The following FOXK2 variants were observed in gnomAD, a reference collection of about 807,000 sequenced individuals.
FOXK2 encodes forkhead box protein K2.
Under a neutral mutation model 53.3 loss-of-function variants are expected in FOXK2, and 24 were observed. The ratio of observed to expected loss-of-function variants is 0.45; its 90% CI spans 0.33 to 0.63. The LOEUF (loss-of-function observed/expected upper bound fraction) is 0.63. Among genes scored for constraint, FOXK2 ranks in the 30% least tolerant of loss-of-function variants. The pLI is 0.03. For missense variants in FOXK2, 952 were observed against 910.5 expected, an observed-to-expected ratio of 1.05 and a Z score of -0.59; for synonymous variants, 505 against 407.1, an observed-to-expected ratio of 1.24 and a Z score of -2.89.
At chr17:82,561,910 G>C (rs959234205) in intron 1 of FOXK2, among the ~76,000 whole-genome samples, 16 of 152,182 alleles carry the variant, frequency 1.1e-4, no homozygotes, top group Admixed American at 7.2e-4. Context: ...TCTGTTGGGG[G>C]GGGGGGGTGC....
chr17:82,586,164 G>C lies in FOXK2; in HGVS notation c.1540G>C (p.Glu514Gln). ...AGCCGTGCTGGCCCCTCCTAAGGCA[G>C]AGGCCCAGGAGAATGGAGACCACAG... is the stretch of plus-strand genomic sequence containing the variant. The part of the protein sequence containing the change: ...PAAVLAPPKA[E>Q]AQENGDHREV... The change falls in exon 7 of 9, where the codon GAG becomes CAG. Residue 514 changes from glutamate (E) to glutamine (Q), a missense_variant. Glu to Gln is a conservative substitution (Grantham distance 29). This residue lies in a region of FOXK2 where 551 missense variants were observed against 385.1 expected (regional missense o/e 1.43). Coordinates refer to ENST00000335255, the MANE Select transcript of FOXK2 (RefSeq NM_004514.4). 1 of 1,612,190 alleles carries C rather than the reference G, an allele frequency of 6.2e-7. No individual in the cohort carries two copies.
rs2045393276 is a variant in FOXK2 at position 82,602,098 on chromosome 17, T to G, written c.*599T>G. On this transcript the variant is annotated 3_prime_UTR_variant, in exon 9 of 9. Transcript: ENST00000335255. ...GAATGATTTCCTTTTGTCTGTCTTG[T>G]TCAAGTTCAGACGAAGCTACTCTGG... The G allele has an allele frequency of 6.6e-6, 1 of 152,418 alleles. No individual in the cohort carries two copies. Among genetic ancestry groups the G allele is most frequent in the Non-Finnish European group, 1.5e-5 (1 of 68,076 alleles). The allele number at this position is 152,418 out of a possible 1,614,324, so 9.4% of individuals were successfully genotyped here.
chr17:82,588,384 G>A (rs35663335), intron 8 of FOXK2: 39,698 of 159,986 alleles, frequency 0.25, 5,673 homozygotes, highest in Admixed American at 0.33. Flanking sequence ...GATGGAAGCC[G>A]GGAGGGCTGG....
chr17:82,546,627 T>C (rs1201000309), intron 1 of FOXK2, among the ~76,000 whole-genome samples: 1 of 151,576 alleles, frequency 6.6e-6, no homozygotes, highest in Admixed American at 6.6e-5. Context: ...AACACCTCGC[T>C]TTTCTTTTCC....
intron 1 of FOXK2, among the ~76,000 whole-genome samples, chr17:82,563,003 T>A (rs2044813412): frequency 6.6e-6 from 1 of 152,044 alleles, no homozygotes; most frequent in Non-Finnish European, 1.5e-5. Flanking sequence ...GGTGGGGTCT[T>A]GCTGTGTTGC....
chr17:82,577,458 G>A (rs1298127743), intron 4 of FOXK2: 4 of 356,802 alleles, frequency 1.1e-5, no homozygotes, highest in South Asian at 3.0e-5. Flanking sequence ...CGTGGCGGGC[G>A]GCCGGGTTAA....
intron 1 of FOXK2, among the ~76,000 whole-genome samples, chr17:82,535,656 CTGTTT>C (rs998500870): frequency 6.6e-6 from 1 of 151,794 alleles, no homozygotes; most frequent in Non-Finnish European, 1.5e-5. Flanking sequence ...TCCAGGATTT[CTGTTT>C]TGTTCCTTTT....
intron 2 of FOXK2, 66 bp from the exon 3 acceptor site, chr17:82,567,988 T>A: frequency 3.7e-6 from 5 of 1,340,322 alleles, no homozygotes; most frequent in Non-Finnish European, 4.9e-6. Context: ...TAAAGCCAGT[T>A]GCTGAAGCAC....
rs1027161437 is a variant in FOXK2 at position 82,573,554 on chromosome 17, TCTCTCTCTCACACACA to T, written c.909+1686_909+1701del. On this transcript the variant is annotated intron_variant, in intron 4 of 8. Transcript: ENST00000335255. Reference sequence around the variant, plus strand: ...CACACACACTCTCTCTCTCTCTCTCTCTCTCTCTCACACACACACACACACACACACACACACACAC... The same window carrying T: ...CACACACACTCTCTCTCTCTCTCTCTCACACACACACACACACACACACAC... Among the ~76,000 whole-genome samples the T allele has an allele frequency of 1.0e-4, 11 of 108,482 alleles. No homozygotes were observed. The South Asian group carries it at 1.0e-3, about 10-fold the overall frequency. 71.2% of individuals were successfully genotyped at this position (108,482 alleles called of 152,430 possible). A position where few individuals can be genotyped will look rare whatever the true frequency, so the allele number is the denominator to read the frequency against.
intron 8 of FOXK2, among the ~76,000 whole-genome samples, chr17:82,593,101 G>A (rs2143157913): frequency 6.8e-6 from 1 of 148,106 alleles, no homozygotes; most frequent in Middle Eastern, 3.5e-3. Flanking sequence ...CCTGCGCCGG[G>A]CACAGGCTCT....
At chr17:82,561,960 C>T (rs1009605166) in intron 1 of FOXK2, among the ~76,000 whole-genome samples, 5 of 152,018 alleles carry the variant, frequency 3.3e-5, no homozygotes, top group African/African-American at 9.7e-5. Context: ...CTGAGTCCCG[C>T]GCCGGGTGCG....
intron 1 of FOXK2, among the ~76,000 whole-genome samples, chr17:82,551,820 C>T (rs2044679685): frequency 6.6e-6 from 1 of 152,252 alleles, no homozygotes. Context: ...CTCTGTCAAG[C>T]TGTTTATTTG....
chr17:82,545,210 G>A (rs1213550271), intron 1 of FOXK2, among the ~76,000 whole-genome samples: 2 of 152,166 alleles, frequency 1.3e-5, no homozygotes, highest in Non-Finnish European at 2.9e-5. Flanking sequence ...GTCTGTTCTA[G>A]TGAAGACGTG....
In FOXK2 at chr17:82,564,355, G is replaced by A. The variant is rs139868909; in HGVS notation, c.614+807G>A. ...ACCTCCCAAAGTGCTGGGATTACAGGCGTGAGCTACCACAGCTGGCTGGTT... is the reference window on the plus strand; with the variant it reads ...ACCTCCCAAAGTGCTGGGATTACAGACGTGAGCTACCACAGCTGGCTGGTT... On this transcript the variant is annotated intron_variant, in intron 2 of 8. Transcript: ENST00000335255. 8.3e-3 allele frequency among the ~76,000 whole-genome samples: 1,264 copies of A among 152,042 alleles called. 9 individuals carry two copies. Among genetic ancestry groups the A allele is most frequent in the Admixed American group, 0.014 (209 of 15,260 alleles).
At chr17:82,558,922 G>A (rs1555638357) in intron 1 of FOXK2, among the ~76,000 whole-genome samples, 1 of 152,012 alleles carries the variant, frequency 6.6e-6, no homozygotes, top group Non-Finnish European at 1.5e-5. Context: ...AGTTTTTTGT[G>A]TTTTTTTCAG....
rs952539657 is a variant in FOXK2, at chr17:82,601,834, A to G, written c.*335A>G. ...AGCGCCTGCTGTGAGTGGGTCTCCC[A>G]AGACTAGGCCTCAGGACGCGGGGGG... On this transcript the variant is annotated 3_prime_UTR_variant, in exon 9 of 9. Coordinates refer to ENST00000335255, the MANE Select transcript of FOXK2 (RefSeq NM_004514.4). The G allele has an allele frequency of 4.3e-6, 1 of 233,378 alleles. No individual in the cohort carries two copies. The highest frequency in any genetic ancestry group is 8.5e-6 in the Non-Finnish European group (1 of 117,528). 14.5% of individuals were successfully genotyped at this position (233,378 alleles called of 1,614,324 possible).
At position 82,564,911 on chromosome 17, in the gene FOXK2, G is replaced by A. The variant is rs7213628; in HGVS notation, c.614+1363G>A. Among the ~76,000 whole-genome samples the A allele has an allele frequency of 3.7e-3, 557 of 152,046 alleles. 2 individuals carry two copies. Among genetic ancestry groups the A allele is most frequent in the African/African-American group, 0.012 (488 of 41,462 alleles). ...ACGCCCGGCTAATTTTGTATTTTTA[G>A]TAGAGATGGGGTTTCTCCATGTTGG... On this transcript the variant is annotated intron_variant, in intron 2 of 8. Transcript: ENST00000335255.
intron 6 of FOXK2, among the ~76,000 whole-genome samples, 155 bp downstream of exon 6, chr17:82,584,343 C>G (rs1189286948): frequency 6.6e-6 from 1 of 151,986 alleles, no homozygotes; most frequent in Non-Finnish European, 1.5e-5. Context: ...AAACTAATAG[C>G]ACTGGGAGTG....
chr17:82,541,178 C>CAA (rs1240361294), intron 1 of FOXK2, among the ~76,000 whole-genome samples: 1 of 151,986 alleles, frequency 6.6e-6, no homozygotes, highest in African/African-American at 2.4e-5. Context: ...GGGACAGGGA[C>CAA]AAAGGGTGTG....
Sources: gnomAD v4.1 joint callset for allele counts (sites outside exome capture counted in the v4.1 genomes callset) on GRCh38, gnomAD v4.1.1 for gene constraint, gnomAD v4.1.1 regional missense constraint, MANE v1.5 for transcripts, NCBI Gene and HGNC (gene_info 2026-07-23, HGNC 2026-07-21) for gene names.